ABCC4: variants seen among roughly 807,000 people sequenced by gnomAD.
ABCC4 encodes the protein ATP binding cassette subfamily C member 4 (PEL blood group), also known as ATP-binding cassette sub-family C member 4.
ABCC4 carries 102 observed loss-of-function variants against 168.5 expected under a neutral mutation model. The ratio of observed to expected loss-of-function variants is 0.61; its 90% CI spans 0.52 to 0.71. The LOEUF (loss-of-function observed/expected upper bound fraction) is 0.71, where lower values mean the gene tolerates loss of function less well. ABCC4 is among the 30% of genes least tolerant of loss of function. The pLI is 0.00. For synonymous variants in ABCC4, 617 were observed against 590.7 expected (o/e 1.04, Z -0.65); for missense variants, 1,402 against 1,605.8 (o/e 0.87, Z 2.17).
intron 30 of ABCC4, 98 bp from the exon 31 acceptor site, chr13:95,021,780 C>A: frequency 7.6e-6 from 6 of 785,362 alleles, no homozygotes; most frequent in South Asian, 7.0e-5. Flanking sequence ...TCATGTGAAG[C>A]AAATCATATC....
intron 1 of ABCC4, among the ~76,000 whole-genome samples, chr13:95,284,903 T>A (rs1403847934): frequency 1.3e-5 from 2 of 149,854 alleles, no homozygotes; most frequent in African/African-American, 5.0e-5. Flanking sequence ...GTACTTAGAA[T>A]AGCCCCCCTG....
At chr13:95,102,732 T>C (rs2034856490) in intron 20 of ABCC4, among the ~76,000 whole-genome samples, 1 of 151,582 alleles carries the variant, frequency 6.6e-6, no homozygotes. Context: ...CAATTCTCCC[T>C]GCCTCAGCCC....
intron 1 of ABCC4, among the ~76,000 whole-genome samples, chr13:95,257,558 G>A (rs1270861590): frequency 1.3e-5 from 2 of 152,034 alleles, no homozygotes; most frequent in East Asian, 3.9e-4. Context: ...AGCTACTCAG[G>A]AGGCTGAGAC....
chr13:95,171,352 C>T (rs2037466888), intron 13 of ABCC4, among the ~76,000 whole-genome samples: 1 of 151,364 alleles, frequency 6.6e-6, no homozygotes, highest in South Asian at 2.1e-4. Context: ...ACGGTACCCA[C>T]TCAAAGTTCT....
At chr13:95,299,167 G>A (rs2041611820) in intron 1 of ABCC4, among the ~76,000 whole-genome samples, 1 of 151,384 alleles carries the variant, frequency 6.6e-6, no homozygotes, top group African/African-American at 2.4e-5. Context: ...GCTGAGGCAG[G>A]AGGATTGCTT....
chr13:95,080,607 G>A (rs1015057466), intron 21 of ABCC4, among the ~76,000 whole-genome samples: 2 of 152,134 alleles, frequency 1.3e-5, no homozygotes, highest in Non-Finnish European at 2.9e-5. Flanking sequence ...CCAAGTAGCT[G>A]GGATTACAGG....
intron 9 of ABCC4, among the ~76,000 whole-genome samples, chr13:95,191,593 A>G (rs1455283303): frequency 6.6e-6 from 1 of 152,222 alleles, no homozygotes; most frequent in Non-Finnish European, 1.5e-5. Flanking sequence ...GTCTTGCTTG[A>G]CTTCGCCTTA....
At position 95,137,858 on chromosome 13, in the gene ABCC4, T is replaced by C. The variant is rs189077318; in HGVS notation, c.2456-21857A>G. Among the ~76,000 whole-genome samples the C allele has an allele frequency of 2.6e-5, 4 of 152,312 alleles. No individual in the cohort carries two copies. In the East Asian group the frequency reaches 5.8e-4, roughly 22 times the overall value. ...GGCTTTGCCATGTATGTTTTTAACATTGCTGGAATGCACCCAGGGAGGCAA... is the reference window on the plus strand; with the variant it reads ...GGCTTTGCCATGTATGTTTTTAACACTGCTGGAATGCACCCAGGGAGGCAA... On this transcript the variant is annotated intron_variant, in intron 19 of 30. Coordinates refer to ENST00000645237, the MANE Select transcript of ABCC4 (RefSeq NM_005845.5).
At chr13:95,061,137 T>C (rs1629441) in intron 26 of ABCC4, among the ~76,000 whole-genome samples, 141,701 of 152,234 alleles carry the variant, frequency 0.93, 66,070 homozygotes, top group Non-Finnish European at 0.95. Context: ...TTTATTCATC[T>C]GCTCATCTGG....
chr13:95,181,278 G>C (rs2037879743), intron 11 of ABCC4, among the ~76,000 whole-genome samples: 1 of 152,230 alleles, frequency 6.6e-6, no homozygotes, highest in Non-Finnish European at 1.5e-5. Context: ...GGACACTATG[G>C]GGATGGTCAC....
chr13:95,146,279 G>A (rs1211470218), intron 19 of ABCC4, among the ~76,000 whole-genome samples: 1 of 151,744 alleles, frequency 6.6e-6, no homozygotes, highest in African/African-American at 2.4e-5. Context: ...GGAGGGCAAG[G>A]ATCAAAAAAT....
In ABCC4 at chr13:95,062,877, C is replaced by T. The variant is rs200801755; in HGVS notation, c.3211-18G>A. 198 of 1,503,766 alleles carry T rather than the reference C, an allele frequency of 1.3e-4. 2 individuals carry two copies. The Admixed American group carries it at 3.5e-3, about 27-fold the overall frequency. 93.2% of individuals were successfully genotyped at this position (1,503,766 alleles called of 1,614,324 possible). On this transcript the variant is annotated intron_variant, in intron 25 of 30. Coordinates refer to ENST00000645237, the MANE Select transcript of ABCC4 (RefSeq NM_005845.5). ...ATGCCAACCTACAGAGAGATCCAGG[C>T]GGCAGGATTAAAAAAAAAAAGAAAA...
At chr13:95,234,543 TA>T in intron 4 of ABCC4, 66 bp downstream of exon 4, 4 of 1,379,390 alleles carry the variant, frequency 2.9e-6, no homozygotes, top group Non-Finnish European at 4.1e-6. Flanking sequence ...TTAATTTACA[TA>T]AAACTTCCTC....
chr13:95,112,855 T>G (rs549692792), intron 20 of ABCC4, among the ~76,000 whole-genome samples: 1 of 152,140 alleles, frequency 6.6e-6, no homozygotes, highest in African/African-American at 2.4e-5. Context: ...GCATGTTTAT[T>G]ACCCATAGAA....
intron 15 of ABCC4, among the ~76,000 whole-genome samples, chr13:95,165,638 G>A (rs1459579066): frequency 6.6e-6 from 1 of 152,156 alleles, no homozygotes; most frequent in African/African-American, 2.4e-5. Flanking sequence ...AGGAACTGTT[G>A]GGTCTTTGCA....
intron 20 of ABCC4, among the ~76,000 whole-genome samples, chr13:95,111,214 T>G (rs2035193767): frequency 6.6e-6 from 1 of 152,200 alleles, no homozygotes; most frequent in South Asian, 2.1e-4. Flanking sequence ...GAAGAGCCAT[T>G]CTATGTTCAT....
At chr13:95,075,349 A>G (rs2139315642) in intron 22 of ABCC4, 83 bp downstream of exon 22, 2 of 1,580,166 alleles carry the variant, frequency 1.3e-6, no homozygotes, top group Non-Finnish European at 8.6e-7. Context: ...GGTGCCTGCC[A>G]ACAAGCTCAT....
chr13:95,211,292 GC>G (rs1164718588), intron 4 of ABCC4, among the ~76,000 whole-genome samples: 1 of 152,176 alleles, frequency 6.6e-6, no homozygotes, highest in Admixed American at 6.5e-5. Context: ...GACACCAGGA[GC>G]CCCAGCAGAT....
chr13:95,050,906 C>A (rs1187621966), intron 27 of ABCC4, among the ~76,000 whole-genome samples: 2 of 152,158 alleles, frequency 1.3e-5, no homozygotes, highest in Admixed American at 6.5e-5. Flanking sequence ...GAATCTGTGA[C>A]AAGGAATCTC....
Sources: gnomAD v4.1 joint callset for allele counts (sites outside exome capture counted in the v4.1 genomes callset) on GRCh38, gnomAD v4.1.1 for gene constraint, MANE v1.5 for transcripts, NCBI Gene and HGNC (gene_info 2026-07-23, HGNC 2026-07-21) for gene names.